CERS6: variants seen among roughly 807,000 people sequenced by gnomAD.
CERS6 encodes LAG1 homolog, ceramide synthase 6.
Under a neutral mutation model 56.8 loss-of-function variants are expected in CERS6, and 26 were observed. The ratio of observed to expected loss-of-function variants is 0.46; its 90% CI spans 0.34 to 0.63. The LOEUF is 0.63. Ranked by LOEUF, CERS6 falls within the 30% of genes least tolerant of loss-of-function variation. The pLI, the probability that CERS6 is intolerant of heterozygous loss-of-function variation, is 0.01. For synonymous variants in CERS6, 164 were observed against 173.3 expected, an observed-to-expected ratio of 0.95 and a Z score of 0.42; for missense variants, 415 against 467.5, an observed-to-expected ratio of 0.89 and a Z score of 1.04.
At chr2:168,587,680 A>G (rs1344756979) in intron 3 of CERS6, among the ~76,000 whole-genome samples, 7 of 152,152 alleles carry the variant, frequency 4.6e-5, no homozygotes. Context: ...CAGTGAAGGC[A>G]TGTGGTATAC....
At chr2:168,480,156 A>C (rs1217494881) in intron 1 of CERS6, among the ~76,000 whole-genome samples, 1 of 152,172 alleles carries the variant, frequency 6.6e-6, no homozygotes. Flanking sequence ...AACTTGTGAG[A>C]GAAATGGATA....
rs77963415 is a variant in CERS6 at position 168,456,788 on chromosome 2, G to A, written c.170+170G>A. On this transcript the variant is annotated intron_variant, in intron 1 of 9. Coordinates refer to ENST00000305747, the MANE Select transcript of CERS6 (RefSeq NM_203463.3). This position sits in a 1 kb window ranked among gnomAD's most constrained non-coding sequence, Gnocchi z 4.1. Reference sequence around the variant, plus strand: ...CCCCCCTGCCCCGCTGGCTTTCTGGGAGCCAGAAAGGGTCTGGCTTGCCAC... The same window carrying A: ...CCCCCCTGCCCCGCTGGCTTTCTGGAAGCCAGAAAGGGTCTGGCTTGCCAC... 2.6e-4 allele frequency among the ~76,000 whole-genome samples: 40 copies of A among 152,292 alleles called. 1 individual carries two copies. The East Asian group carries it at 5.4e-3, about 21-fold the overall frequency.
chr2:168,691,068 A>G lies in CERS6; in HGVS notation c.500A>G (p.Tyr167Cys), dbSNP rs771044929. 128 of 1,613,180 alleles carry G rather than the reference A, an allele frequency of 7.9e-5. No homozygotes were observed. In the Middle Eastern group the frequency reaches 8.2e-4, roughly 10 times the overall value. ...PWLWNTRHCW[Y>C]NYPYQPLTTD... ...TTGTGGAATACGAGGCATTGCTGGT[A>G]CAACTACCCCTATCAGGTAAGGAGG... Residue 167 changes from tyrosine to cysteine, a missense_variant, in exon 5 of 10, where the codon TAC (tyrosine) becomes TGC (cysteine). Coordinates refer to ENST00000305747, the MANE Select transcript of CERS6 (RefSeq NM_203463.3).
At chr2:168,642,857 C>T (rs1213994282) in intron 4 of CERS6, among the ~76,000 whole-genome samples, 2 of 152,188 alleles carry the variant, frequency 1.3e-5, no homozygotes, top group Non-Finnish European at 2.9e-5. Flanking sequence ...TCTGTTTCCA[C>T]AGCTAATAGC....
At chr2:168,540,734 A>G (rs1024068090) in intron 1 of CERS6, among the ~76,000 whole-genome samples, 4 of 152,194 alleles carry the variant, frequency 2.6e-5, no homozygotes, top group African/African-American at 9.7e-5. Context: ...AGAGCATTGT[A>G]TTTCAAATTA....
At chr2:168,732,969 TA>T (rs911058492) in intron 8 of CERS6, among the ~76,000 whole-genome samples, 1 of 151,226 alleles carries the variant, frequency 6.6e-6, no homozygotes, top group Non-Finnish European at 1.5e-5. Flanking sequence ...TTTACGTATG[TA>T]AAAAAAAAGA....
At chr2:168,463,781 C>A (rs966416236) in intron 1 of CERS6, among the ~76,000 whole-genome samples, 6 of 151,986 alleles carry the variant, frequency 3.9e-5, no homozygotes, top group African/African-American at 1.5e-4. Context: ...TGGTGTTGCT[C>A]ACCTGTAGTC....
chr2:168,695,088 G>A lies in CERS6; in HGVS notation c.609+37G>A, dbSNP rs138987578. 1,717 of 1,539,120 alleles carry A rather than the reference G, an allele frequency of 1.1e-3. 2 individuals are homozygous for A. Among genetic ancestry groups the A allele is most frequent in the Middle Eastern group, 3.5e-3 (21 of 5,938 alleles). On this transcript the variant is annotated intron_variant, in intron 6 of 9. Transcript: ENST00000305747. ...TATGTCGTAAAGTGCTTGCAAGCAT[G>A]CATCTTTAATGGCCCTTAGCAGGTG...
At chr2:168,578,578 C>T (rs1444107750) in intron 3 of CERS6, among the ~76,000 whole-genome samples, 1 of 152,054 alleles carries the variant, frequency 6.6e-6, no homozygotes, top group African/African-American at 2.4e-5. Flanking sequence ...GATATGCCTG[C>T]AGCCAACCAG....
At chr2:168,505,382 CAA>C (rs370477008) in intron 1 of CERS6, among the ~76,000 whole-genome samples, 7 of 96,372 alleles carry the variant, frequency 7.3e-5, no homozygotes, top group Admixed American at 3.9e-4. Context: ...ACCCTGTTTC[CAA>C]AAAAAAAAAA....
intron 8 of CERS6, among the ~76,000 whole-genome samples, chr2:168,752,668 G>A (rs971998804): frequency 2.0e-5 from 3 of 152,158 alleles, no homozygotes; most frequent in African/African-American, 4.8e-5. Flanking sequence ...AGCGATCTCC[G>A]TAGCCATTAC....
At chr2:168,692,711 T>G (rs1686536612) in intron 5 of CERS6, among the ~76,000 whole-genome samples, 1 of 152,188 alleles carries the variant, frequency 6.6e-6, no homozygotes, top group South Asian at 2.1e-4. Context: ...CGGTGCATCT[T>G]TGAAAATGCT....
chr2:168,457,914 C>T (rs548106140), intron 1 of CERS6, among the ~76,000 whole-genome samples: 2 of 152,254 alleles, frequency 1.3e-5, no homozygotes, highest in South Asian at 4.1e-4. Flanking sequence ...AGCTGTTCGC[C>T]TGCAGAAATT....
chr2:168,487,605 T>C (rs1406776462), intron 1 of CERS6, among the ~76,000 whole-genome samples: 2 of 152,266 alleles, frequency 1.3e-5, no homozygotes, highest in Non-Finnish European at 2.9e-5. Context: ...TACTTTAGGC[T>C]TGCTTACCCA....
intron 4 of CERS6, among the ~76,000 whole-genome samples, chr2:168,665,726 A>T (rs1207821214): frequency 6.6e-6 from 1 of 152,192 alleles, no homozygotes; most frequent in East Asian, 1.9e-4. Flanking sequence ...TACCTACAAC[A>T]GTGACTGACA....
chr2:168,514,502 A>G (rs1694851705), intron 1 of CERS6, among the ~76,000 whole-genome samples: 1 of 152,260 alleles, frequency 6.6e-6, no homozygotes, highest in Non-Finnish European at 1.5e-5. Context: ...ACCACACACT[A>G]CATAAGGTTT....
chr2:168,610,965 A>G (rs1360368263), intron 3 of CERS6, among the ~76,000 whole-genome samples: 1 of 151,808 alleles, frequency 6.6e-6, no homozygotes, highest in Admixed American at 6.6e-5. Flanking sequence ...ACACCACCAT[A>G]CCTGGCTAAT....
chr2:168,509,101 G>T (rs533534525), intron 1 of CERS6, among the ~76,000 whole-genome samples: 30 of 152,078 alleles, frequency 2.0e-4, no homozygotes, highest in African/African-American at 7.2e-4. Flanking sequence ...TTCATTCTTG[G>T]CAGAATCTCT....
intron 8 of CERS6, among the ~76,000 whole-genome samples, chr2:168,722,681 C>T (rs1245622692): frequency 1.3e-5 from 2 of 152,202 alleles, no homozygotes; most frequent in African/African-American, 2.4e-5. Context: ...TGGCCTGCTT[C>T]CTAAGTTGAC....
Sources: gnomAD v4.1 joint callset for allele counts (sites outside exome capture counted in the v4.1 genomes callset) on GRCh38, gnomAD v4.1.1 for gene constraint, Gnocchi (gnomAD v3.1) non-coding constraint, MANE v1.5 for transcripts, NCBI Gene and HGNC (gene_info 2026-07-23, HGNC 2026-07-21) for gene names.